FAM241A: variants seen among roughly 807,000 people sequenced by gnomAD.
The protein encoded by FAM241A is family with sequence similarity 241 member A.
In FAM241A, 7 loss-of-function variants were observed where a neutral mutation model predicts 12.2. The ratio of observed to expected loss-of-function variants is 0.58; its 90% CI spans 0.33 to 1.08. The LOEUF (loss-of-function observed/expected upper bound fraction) is 1.08. FAM241A is among the 50% of genes least tolerant of loss of function. The pLI, the probability that FAM241A is intolerant of heterozygous loss-of-function variation, is 0.04. For synonymous variants in FAM241A, 74 were observed against 68.2 expected (o/e 1.08, Z -0.42); for missense variants, 161 against 169.7 (o/e 0.95, Z 0.29).
intron 1 of FAM241A, chr4:112,171,236 C>G: frequency 1.4e-6 from 1 of 730,096 alleles, no homozygotes. Flanking sequence ...TTCCTAAAAC[C>G]CACTGGACTT....
intron 1 of FAM241A, among the ~76,000 whole-genome samples, chr4:112,175,938 C>G (rs1723811734): frequency 6.6e-6 from 1 of 152,058 alleles, no homozygotes; most frequent in African/African-American, 2.4e-5. Context: ...AGCAGACTTT[C>G]AATACTGCAT....
intron 1 of FAM241A, 132 bp downstream of exon 1, chr4:112,145,865 G>A (rs1723126172): frequency 4.3e-6 from 2 of 462,830 alleles, no homozygotes; most frequent in Non-Finnish European, 5.9e-6. Context: ...GCTCCCCGGC[G>A]CTCTGGGAAG....
chr4:112,145,618 G>A lies in FAM241A; in HGVS notation c.38G>A (p.Gly13Asp), dbSNP rs1440314584. Reference sequence around the variant, plus strand: ...GGGGAGCTGCTGCGGGGCGGCGACGGCGGGGAACGCGACGAGGACGGGGAC... The same window carrying A: ...GGGGAGCTGCTGCGGGGCGGCGACGACGGGGAACGCGACGAGGACGGGGAC... ...SAGELLRGGD[G>D]GERDEDGDAL... The change falls in exon 1 of 2, where the codon GGC becomes GAC. Residue 13 changes from glycine to aspartate, a missense_variant. Coordinates refer to ENST00000309733, the MANE Select transcript of FAM241A (RefSeq NM_152400.3). 2 of 1,231,124 alleles carry A rather than the reference G, an allele frequency of 1.6e-6. No homozygotes were observed. Among genetic ancestry groups the A allele is most frequent in the African/African-American group, 1.6e-5 (1 of 64,380 alleles). The allele number at this position is 1,231,124 out of a possible 1,614,324, so 76.3% of individuals were successfully genotyped here.
chr4:112,150,276 G>A (rs1197464219), intron 1 of FAM241A, among the ~76,000 whole-genome samples: 1 of 151,874 alleles, frequency 6.6e-6, no homozygotes, highest in Non-Finnish European at 1.5e-5. Flanking sequence ...ATTTTTGTTG[G>A]TATTATGAAA....
chr4:112,165,859 T>C (rs1182400285), intron 1 of FAM241A, among the ~76,000 whole-genome samples: 1 of 152,164 alleles, frequency 6.6e-6, no homozygotes, highest in African/African-American at 2.4e-5. Flanking sequence ...AACAGAGTGA[T>C]TGTTGTCAAA....
chr4:112,170,147 A>C (rs983085246), intron 1 of FAM241A, among the ~76,000 whole-genome samples: 17 of 152,158 alleles, frequency 1.1e-4, no homozygotes, highest in Non-Finnish European at 2.5e-4. Context: ...ATTTAGTTTA[A>C]AATTAAGTTA....
chr4:112,166,940 C>G (rs2110427668), intron 1 of FAM241A, among the ~76,000 whole-genome samples: 1 of 126,724 alleles, frequency 7.9e-6, no homozygotes, highest in African/African-American at 3.2e-5. Flanking sequence ...TGGTGAAACC[C>G]CGTCTCTACT....
At position 112,194,672 on chromosome 4, in the gene FAM241A, A is replaced by G. The variant is rs1724232537; in HGVS notation, c.*7734A>G. The G allele has an allele frequency of 1.3e-5, 2 of 152,098 alleles. No homozygotes were observed. The highest frequency in any genetic ancestry group is 4.1e-4 in the South Asian group (2 of 4,828). 9.4% of individuals were successfully genotyped at this position (152,098 alleles called of 1,614,324 possible). ...ACATTGATTGATTTGCGTATATTGA[A>G]CCAGCCTTGCATCCCAGGGATGAAG... On this transcript the variant is annotated 3_prime_UTR_variant, in exon 2 of 2. Transcript: ENST00000309733.
chr4:112,147,232 A>G (rs997467696), intron 1 of FAM241A, among the ~76,000 whole-genome samples: 3 of 152,364 alleles, frequency 2.0e-5, no homozygotes, highest in African/African-American at 7.2e-5. Context: ...CTTAGAAAAC[A>G]TATCACTTTG....
intron 1 of FAM241A, among the ~76,000 whole-genome samples, chr4:112,169,186 G>C (rs1723666269): frequency 6.6e-6 from 1 of 152,170 alleles, no homozygotes; most frequent in African/African-American, 2.4e-5. Context: ...ACTACCAGAA[G>C]AGCGGCATCA....
At chr4:112,175,336 C>A (rs959495378) in intron 1 of FAM241A, among the ~76,000 whole-genome samples, 1 of 152,180 alleles carries the variant, frequency 6.6e-6, no homozygotes, top group Admixed American at 6.5e-5. Flanking sequence ...AGCTATCTAA[C>A]TACAGTTTGT....
At chr4:112,168,266 A>G (rs759977610) in intron 1 of FAM241A, among the ~76,000 whole-genome samples, 1 of 152,378 alleles carries the variant, frequency 6.6e-6, no homozygotes, top group East Asian at 1.9e-4. Flanking sequence ...CTACAAGACT[A>G]GATTCCTACA....
intron 1 of FAM241A, among the ~76,000 whole-genome samples, chr4:112,183,844 G>A (rs776991017): frequency 6.6e-6 from 1 of 151,882 alleles, no homozygotes; most frequent in Non-Finnish European, 1.5e-5. Flanking sequence ...CTACCCTAAA[G>A]AAAAGAAAGC....
chr4:112,162,452 T>C (rs1001892782), intron 1 of FAM241A, among the ~76,000 whole-genome samples: 1 of 152,236 alleles, frequency 6.6e-6, no homozygotes, highest in Non-Finnish European at 1.5e-5. Flanking sequence ...GATAAGCAAC[T>C]TCAGCAAAGT....
At chr4:112,154,675 T>TA (rs1560579868) in intron 1 of FAM241A, among the ~76,000 whole-genome samples, 1 of 152,026 alleles carries the variant, frequency 6.6e-6, no homozygotes, top group Admixed American at 6.6e-5. Context: ...TATTTTTTTT[T>TA]AAAAAAGTAG....
At chr4:112,173,504 A>G (rs1723763710) in intron 1 of FAM241A, among the ~76,000 whole-genome samples, 1 of 152,226 alleles carries the variant, frequency 6.6e-6, no homozygotes, top group Non-Finnish European at 1.5e-5. Context: ...CTACTGCACA[A>G]TGATGGAAAA....
Position 112,153,296 on chromosome 4 carries a change from A to T in FAM241A, c.153+7563A>T, listed in dbSNP as rs921860014. Among the ~76,000 whole-genome samples the T allele has an allele frequency of 4.6e-5, 7 of 152,202 alleles. No homozygotes were observed. In the South Asian group the frequency reaches 1.4e-3, roughly 31 times the overall value. The stretch of plus-strand genomic sequence containing the variant: ...AAACTATTCTCAGTTTCCTATTCAA[A>T]AGAAGTGATAAGGCAAGATTAAAAG... On this transcript the variant is annotated intron_variant, in intron 1 of 1. Transcript: ENST00000309733.
intron 1 of FAM241A, among the ~76,000 whole-genome samples, chr4:112,176,441 GT>G (rs1316441732): frequency 6.6e-6 from 1 of 152,170 alleles, no homozygotes; most frequent in African/African-American, 2.4e-5. Context: ...AGAGTCAGTG[GT>G]TAAGTAATTT....
chr4:112,170,594 G>A (rs1723698816), intron 1 of FAM241A, among the ~76,000 whole-genome samples: 1 of 152,124 alleles, frequency 6.6e-6, no homozygotes, highest in African/African-American at 2.4e-5. Context: ...GGATACACTG[G>A]ACAAAAGCAT....
Sources: gnomAD v4.1 joint callset for allele counts (sites outside exome capture counted in the v4.1 genomes callset) on GRCh38, gnomAD v4.1.1 for gene constraint, MANE v1.5 for transcripts, NCBI Gene and HGNC (gene_info 2026-07-23, HGNC 2026-07-21) for gene names.